ADGRF5: variants seen among roughly 807,000 people sequenced by gnomAD.
ADGRF5 encodes G-protein coupled receptor 116.
ADGRF5 carries 75 observed loss-of-function variants against 132.3 expected under a neutral mutation model. The observed-to-expected ratio is 0.57, with a 90% confidence interval of 0.47 to 0.69. The LOEUF (loss-of-function observed/expected upper bound fraction) is 0.69. ADGRF5 is among the 30% of genes least tolerant of loss of function. The pLI, the probability that ADGRF5 is intolerant of heterozygous loss-of-function variation, is 0.00. For missense variants in ADGRF5, 1,516 were observed against 1,630.6 expected (o/e 0.93, Z 1.21); for synonymous variants, 629 against 597.6 (o/e 1.05, Z -0.77).
chr6:46,876,259 C>A (rs1038726163), intron 10 of ADGRF5, among the ~76,000 whole-genome samples: 1 of 152,202 alleles, frequency 6.6e-6, no homozygotes, highest in Admixed American at 6.5e-5. Flanking sequence ...GGCAGGAAAT[C>A]CATTGTTCTG....
intron 2 of ADGRF5, among the ~76,000 whole-genome samples, chr6:46,901,171 A>C (rs962796953): frequency 3.3e-5 from 5 of 152,070 alleles, no homozygotes; most frequent in African/African-American, 9.7e-5. Context: ...TTTTTTGTTA[A>C]AGAATAGGCA....
chr6:46,858,206 C>T lies in ADGRF5; in HGVS notation c.3697G>A (p.Gly1233Ser). 6.2e-7 allele frequency: 1 copy of T among 1,614,098 alleles called. No homozygotes were observed. The part of the protein sequence containing the change: ...VLTPLLGLTW[G>S]FGLTTVFPGT... The stretch of plus-strand genomic sequence containing the variant: ...GGGAACACAGTGGTGAGACCAAAAC[C>T]CCAAGTGAGGCCCAAGAGTGGTGTG... Residue 1233 changes from glycine (G) to serine (S), a missense_variant, in exon 17 of 21, where the codon GGT becomes AGT. Transcript: ENST00000283296.
At chr6:46,946,761 A>C (rs919124613) in intron 1 of ADGRF5, among the ~76,000 whole-genome samples, 2 of 152,158 alleles carry the variant, frequency 1.3e-5, no homozygotes, top group Non-Finnish European at 2.9e-5. Context: ...GAGAAGGCCA[A>C]TGGCGTTATT....
chr6:46,929,671 G>A (rs981551138), intron 1 of ADGRF5, among the ~76,000 whole-genome samples: 1 of 151,866 alleles, frequency 6.6e-6, no homozygotes, highest in African/African-American at 2.4e-5. Context: ...GAGGCAATAT[G>A]AAACTTGTGT....
Position 46,888,243 on chromosome 6 carries a change from T to C in ADGRF5, c.328+92A>G. ...TCGGTGAGTCATTTCACTTGCCTAC[T>C]AAGTAAAAGATTGCTCTGATACTCA... On this transcript the variant is annotated intron_variant, in intron 4 of 20. Coordinates refer to ENST00000283296, the MANE Select transcript of ADGRF5 (RefSeq NM_001098518.2). 11 of 876,022 alleles carry C rather than the reference T, an allele frequency of 1.3e-5. No individual in the cohort carries two copies. In the South Asian group the frequency reaches 1.8e-4, roughly 14 times the overall value. 54.3% of individuals were successfully genotyped at this position (876,022 alleles called of 1,614,324 possible).
At chr6:46,944,456 A>G (rs1778221768) in intron 1 of ADGRF5, among the ~76,000 whole-genome samples, 1 of 152,142 alleles carries the variant, frequency 6.6e-6, no homozygotes, top group Non-Finnish European at 1.5e-5. Flanking sequence ...TGGTTGAAAA[A>G]TGCAGATTTT....
At position 46,869,073 on chromosome 6, in the gene ADGRF5, C is replaced by T. The variant is rs748771069; in HGVS notation, c.1431G>A (p.Pro477=). ...GTCCCTCAGAAACAGAAATTGGGTC[C>T]GGGGTTATTGTTAGATTGGCTGAAA... The part of the protein sequence containing the change: ...FISVANLTIT[P]DPISVSEGQN... Residue 477 remains proline (P), a synonymous_variant, in exon 12 of 21, where the codon CCG becomes CCA. Coordinates refer to ENST00000283296, the MANE Select transcript of ADGRF5 (RefSeq NM_001098518.2). The T allele has an allele frequency of 9.2e-5, 149 of 1,613,430 alleles. No individual in the cohort carries two copies. The highest frequency in any genetic ancestry group is 1.6e-4 in the Middle Eastern group (1 of 6,082).
chr6:46,901,005 G>A (rs114141790), intron 2 of ADGRF5, among the ~76,000 whole-genome samples: 160 of 152,180 alleles, frequency 1.1e-3, no homozygotes, highest in African/African-American at 3.5e-3. Context: ...ACTTTGATGC[G>A]AGGACAAAAT....
intron 10 of ADGRF5, among the ~76,000 whole-genome samples, chr6:46,872,448 T>C (rs916978142): frequency 2.0e-5 from 3 of 152,206 alleles, no homozygotes; most frequent in African/African-American, 7.2e-5. Flanking sequence ...TGTTTGGGTA[T>C]GATTTAACTG....
At position 46,858,543 on chromosome 6, in the gene ADGRF5, A is replaced by C; in HGVS notation, c.3360T>G (p.His1120Gln). ...CTTTCTGAGTGGACCTGCTTGTTTC[A>C]TGCAGAATGAAAACCAGGCGATAGA... ...MLFYRLVFIL[H>Q]ETSRSTQKAI... Residue 1120 changes from histidine to glutamine, a missense_variant, in exon 17 of 21, where the codon CAT becomes CAG. This residue lies in a region of ADGRF5 where 571 missense variants were observed against 701.2 expected (regional missense o/e 0.81). Coordinates refer to ENST00000283296, the MANE Select transcript of ADGRF5 (RefSeq NM_001098518.2). 6.2e-7 allele frequency: 1 copy of C among 1,613,934 alleles called. No individual in the cohort carries two copies.
intron 1 of ADGRF5, among the ~76,000 whole-genome samples, chr6:46,944,044 T>C (rs1259431586): frequency 6.6e-6 from 1 of 152,222 alleles, no homozygotes; most frequent in East Asian, 1.9e-4. Flanking sequence ...ACATTGTTTT[T>C]TATGCCTAAC....
At chr6:46,947,229 A>G (rs1193734797) in intron 1 of ADGRF5, among the ~76,000 whole-genome samples, 1 of 152,220 alleles carries the variant, frequency 6.6e-6, no homozygotes, top group Non-Finnish European at 1.5e-5. Context: ...AGCAACTATA[A>G]TTCTGAGATA....
intron 1 of ADGRF5, among the ~76,000 whole-genome samples, chr6:46,935,187 T>C (rs140260511): frequency 6.6e-6 from 1 of 152,088 alleles, no homozygotes; most frequent in East Asian, 1.9e-4. Context: ...GTATCTTTAG[T>C]AGAGACAGGG....
rs1262948145 is a variant in ADGRF5, at chr6:46,888,490, G to A, written c.173C>T (p.Pro58Leu). ...ATTAACAGTGTATTCTTCAGCCGTA[G>A]GACTTTTTGTGGCAACTGCAATGAA... ...RQKRAVATKS[P>L]TAEEYTVNIE... The change falls in exon 4 of 21, where the codon CCT becomes CTT. Residue 58 changes from proline (P) to leucine (L), a missense_variant. Around this residue, in one of 2 missense-constraint regions of ADGRF5, gnomAD observed 945 missense variants for 929.4 expected, o/e 1.02. Transcript: ENST00000283296. The A allele has an allele frequency of 3.1e-6, 5 of 1,612,778 alleles. No homozygotes were observed. The highest frequency in any genetic ancestry group is 1.1e-5 in the South Asian group (1 of 91,018).
chr6:46,897,581 T>C (rs1449506232), intron 3 of ADGRF5, among the ~76,000 whole-genome samples: 4 of 152,178 alleles, frequency 2.6e-5, no homozygotes, highest in Non-Finnish European at 5.9e-5. Context: ...TCGTGTTCTT[T>C]TTTTTCTCTT....
intron 10 of ADGRF5, among the ~76,000 whole-genome samples, chr6:46,876,894 C>T (rs994668378): frequency 3.0e-4 from 21 of 70,214 alleles, no homozygotes; most frequent in African/African-American, 6.2e-4. Context: ...CGTGAGCCAC[C>T]GCCCCTGTTC....
At chr6:46,951,477 C>T (rs924859450) in intron 1 of ADGRF5, among the ~76,000 whole-genome samples, 1 of 152,186 alleles carries the variant, frequency 6.6e-6, no homozygotes, top group African/African-American at 2.4e-5. Flanking sequence ...ATGCCCTTCT[C>T]CACCATTTGA....
intron 1 of ADGRF5, among the ~76,000 whole-genome samples, chr6:46,953,649 GTGTATATATA>G (rs1431465765): frequency 0.24 from 22,012 of 91,356 alleles, 3,590 homozygotes; most frequent in Middle Eastern, 0.3. Flanking sequence ...ATAGATATAT[GTGTATATATA>G]TATATATATA....
At chr6:46,900,170 G>C in intron 2 of ADGRF5, 87 bp from the exon 3 acceptor site, 1 of 973,786 alleles carries the variant, frequency 1.0e-6, no homozygotes, top group East Asian at 2.4e-5. Flanking sequence ...CTAAATGTTG[G>C]AGCTGAGCTT....
Sources: allele counts gnomAD v4.1 joint callset (sites outside exome capture counted in the v4.1 genomes callset), GRCh38; gene constraint gnomAD v4.1.1; regional missense constraint gnomAD v4.1.1; transcripts MANE v1.5; gene names NCBI Gene and HGNC (gene_info 2026-07-23, HGNC 2026-07-21).